RECQL: variants seen among roughly 807,000 people sequenced by gnomAD.
RECQL encodes the protein ATP-dependent DNA helicase Q1.
A neutral mutation model predicts 75.8 loss-of-function variants in RECQL; 73 were observed. The observed-to-expected ratio is 0.96, with a 90% CI of 0.80 to 1.17. RECQL has a LOEUF of 1.17. Among genes scored for constraint, RECQL ranks in the 50% most tolerant of loss-of-function variants. The pLI is 0.00. For synonymous variants in RECQL, 248 were observed against 254.4 expected (o/e 0.97, Z 0.24); for missense variants, 699 against 772.1 (o/e 0.91, Z 1.12).
chr12:21,475,375 T>A (rs1943064336), intron 10 of RECQL, 93 bp downstream of exon 10: 1 of 802,336 alleles, frequency 1.2e-6, no homozygotes, highest in East Asian at 2.5e-5. Context: ...TACTATCCAA[T>A]AAAGATAAAA....
At chr12:21,498,168 T>G (rs1017383927) in intron 2 of RECQL, among the ~76,000 whole-genome samples, 1 of 152,200 alleles carries the variant, frequency 6.6e-6, no homozygotes, top group Non-Finnish European at 1.5e-5. Context: ...TCTAACTATG[T>G]TCACCAACAA....
chr12:21,476,866 T>C (rs774630210), intron 8 of RECQL, 45 bp downstream of exon 8: 6 of 1,372,116 alleles, frequency 4.4e-6, no homozygotes, highest in Non-Finnish European at 6.1e-6. Context: ...AAGTCACTTT[T>C]TGAAAGTTAT....
At chr12:21,484,384 A>T (rs948313352) in intron 5 of RECQL, among the ~76,000 whole-genome samples, 1 of 152,134 alleles carries the variant, frequency 6.6e-6, no homozygotes, top group Non-Finnish European at 1.5e-5. Flanking sequence ...TGAACTTGTA[A>T]TTATCTGCAA....
intron 2 of RECQL, among the ~76,000 whole-genome samples, chr12:21,492,497 C>T (rs899529189): frequency 3.3e-5 from 5 of 152,152 alleles, no homozygotes; most frequent in African/African-American, 1.2e-4. Context: ...TAATTTATGG[C>T]TGTGATTTAA....
At chr12:21,474,191 C>A (rs886770030) in intron 11 of RECQL, among the ~76,000 whole-genome samples, 2 of 151,996 alleles carry the variant, frequency 1.3e-5, no homozygotes, top group Non-Finnish European at 2.9e-5. Flanking sequence ...TTAAAATATG[C>A]TTCATGAGAC....
At chr12:21,487,560 A>C (rs1271021305) in intron 4 of RECQL, among the ~76,000 whole-genome samples, 1 of 152,224 alleles carries the variant, frequency 6.6e-6, no homozygotes, top group Non-Finnish European at 1.5e-5. Context: ...TGTTTAAAAA[A>C]CATAATCAAA....
chr12:21,490,767 T>C (rs1168434076), intron 3 of RECQL, among the ~76,000 whole-genome samples: 1 of 152,046 alleles, frequency 6.6e-6, no homozygotes, highest in African/African-American at 2.4e-5. Flanking sequence ...GGAGGGAGGA[T>C]TGCTTGAGGC....
At chr12:21,495,666 T>A (rs1591993813) in intron 2 of RECQL, among the ~76,000 whole-genome samples, 1 of 152,292 alleles carries the variant, frequency 6.6e-6, no homozygotes, top group East Asian at 1.9e-4. Flanking sequence ...TGATGCTAAT[T>A]CTTAGAAAAC....
intron 5 of RECQL, among the ~76,000 whole-genome samples, chr12:21,484,023 T>C (rs1024288975): frequency 6.6e-6 from 1 of 152,152 alleles, no homozygotes; most frequent in Non-Finnish European, 1.5e-5. Context: ...TCTCAAATGA[T>C]ACCATCAAAT....
rs781646591 is a variant in RECQL, at chr12:21,474,828, G to A, written c.1355+13C>T. ...TTTAATTGATAAAAGTTATAAAAAG[G>A]TATGTGGCTTACTTGCTTATGTTTT... On this transcript the variant is annotated intron_variant, in intron 11 of 14. Coordinates refer to ENST00000444129, the MANE Select transcript of RECQL (RefSeq NM_002907.4). 2 of 1,609,994 alleles carry A rather than the reference G, an allele frequency of 1.2e-6. No homozygotes were observed. Among genetic ancestry groups the A allele is most frequent in the Non-Finnish European group, 1.7e-6 (2 of 1,176,992 alleles).
Position 21,499,561 on chromosome 12 carries a change from C to A in RECQL, c.10G>T (p.Val4Phe). The A allele has an allele frequency of 6.3e-7, 1 of 1,593,790 alleles. No individual in the cohort carries two copies. Among genetic ancestry groups the A allele is most frequent in the Non-Finnish European group, 8.5e-7 (1 of 1,170,734 alleles). The change falls in exon 2 of 15, where the codon GTT (valine) becomes TTT (phenylalanine). Residue 4 changes from valine to phenylalanine, a missense_variant. By Grantham distance (50) the Val-to-Phe change is conservative. Coordinates refer to ENST00000444129, the MANE Select transcript of RECQL (RefSeq NM_002907.4). MASVSALTEELDSI... is the reference protein window; with the variant it reads MASFSALTEELDSI... ...TGTAATCATTGCTACTAACCTGAAACGGACGCCATTCTTTTTCTTTCCAAA... is the reference window on the plus strand; with the variant it reads ...TGTAATCATTGCTACTAACCTGAAAAGGACGCCATTCTTTTTCTTTCCAAA...
intron 8 of RECQL, among the ~76,000 whole-genome samples, chr12:21,476,223 T>C (rs1157194719): frequency 6.6e-6 from 1 of 152,000 alleles, no homozygotes; most frequent in Non-Finnish European, 1.5e-5. Flanking sequence ...TTCAACAAAG[T>C]TAAATGGGTG....
rs557921790 is a variant in RECQL, at chr12:21,489,303, A to G, written c.394+896T>C. Among the ~76,000 whole-genome samples, 5 of 152,342 alleles carry G rather than the reference A, an allele frequency of 3.3e-5. No individual in the cohort carries two copies. In the East Asian group the frequency reaches 7.7e-4, roughly 24 times the overall value. ...CAATGGCAGGGTTGAAGAGCTGCCA[A>G]GGAGACCATATGGACCACAAGCCTA... On this transcript the variant is annotated intron_variant, in intron 4 of 14. Transcript: ENST00000444129.
At chr12:21,497,188 A>C (rs771863611) in intron 2 of RECQL, among the ~76,000 whole-genome samples, 21 of 152,160 alleles carry the variant, frequency 1.4e-4, no homozygotes, top group Non-Finnish European at 2.6e-4. Flanking sequence ...TGGAAGTGGT[A>C]TGTGCCAAAG....
chr12:21,495,556 C>G (rs1459538197), intron 2 of RECQL, among the ~76,000 whole-genome samples: 1 of 151,976 alleles, frequency 6.6e-6, no homozygotes, highest in African/African-American at 2.4e-5. Flanking sequence ...GATCACACCA[C>G]TGTACTCCAG....
intron 1 of RECQL, among the ~76,000 whole-genome samples, chr12:21,500,732 G>A (rs185983108): frequency 1.3e-5 from 2 of 152,300 alleles, no homozygotes; most frequent in East Asian, 3.9e-4. Context: ...GCACAGCCCA[G>A]GAAAATGCCT....
intron 5 of RECQL, among the ~76,000 whole-genome samples, chr12:21,484,818 G>T (rs1019526998): frequency 2.0e-5 from 3 of 151,672 alleles, no homozygotes; most frequent in African/African-American, 7.3e-5. Context: ...TAAGTTTATA[G>T]TGATACTTGG....
chr12:21,483,636 G>T, intron 5 of RECQL, 62 bp from the exon 6 acceptor site: 1 of 1,195,920 alleles, frequency 8.4e-7, no homozygotes, highest in Non-Finnish European at 1.2e-6. Flanking sequence ...TGAAATACTA[G>T]GTGGTAAATG....
chr12:21,469,912 AAACTT>A lies in RECQL; in HGVS notation c.*277_*281del, dbSNP rs552248392. The A allele has an allele frequency of 4.9e-4, 136 of 279,144 alleles. No individual in the cohort carries two copies. The highest frequency in any genetic ancestry group is 2.3e-3 in the African/African-American group (101 of 44,354). The allele number at this position is 279,144 out of a possible 1,614,324, so 17.3% of individuals were successfully genotyped here. A position where few individuals can be genotyped will look rare whatever the true frequency, so the allele number is the denominator to read the frequency against. On this transcript the variant is annotated 3_prime_UTR_variant, in exon 15 of 15. Coordinates refer to ENST00000444129, the MANE Select transcript of RECQL (RefSeq NM_002907.4). ...ATAGCTAAGTATATAAAGGCATAAAAAACTTAAGACGATTGTATGAACTTATTCTC... is the reference window on the plus strand; with the variant it reads ...ATAGCTAAGTATATAAAGGCATAAAAAAGACGATTGTATGAACTTATTCTC...
Sources: gnomAD v4.1 joint callset for allele counts (sites outside exome capture counted in the v4.1 genomes callset) on GRCh38, gnomAD v4.1.1 for gene constraint, MANE v1.5 for transcripts, NCBI Gene and HGNC (gene_info 2026-07-23, HGNC 2026-07-21) for gene names.